Variants in SLC25A26 observed in about 807,000 individuals in gnomAD.
SLC25A26 encodes the protein mitochondrial S-adenosylmethionine carrier protein.
SLC25A26 carries 36 observed loss-of-function variants against 37.8 expected under a neutral mutation model. The ratio of observed to expected loss-of-function variants is 0.95; its 90% CI spans 0.73 to 1.26. The LOEUF (loss-of-function observed/expected upper bound fraction) is 1.26. Among genes scored for constraint, SLC25A26 ranks in the 50% most tolerant of loss-of-function variants. The probability of loss-of-function intolerance (pLI) is 0.00; values close to 1 mark genes in which losing one functional copy is unlikely to be tolerated. For synonymous variants in SLC25A26, 129 were observed against 122.5 expected (o/e 1.05, Z -0.35); for missense variants, 390 against 331.1 (o/e 1.18, Z -1.38).
intron 5 of SLC25A26, among the ~76,000 whole-genome samples, chr3:66,264,610 C>G (rs1325275925): frequency 6.6e-6 from 1 of 152,184 alleles, no homozygotes; most frequent in African/African-American, 2.4e-5. Flanking sequence ...TTATGAGAAT[C>G]TAATGCATGA....
At chr3:66,171,695 G>A (rs2070502089) in intron 1 of SLC25A26, among the ~76,000 whole-genome samples, 1 of 152,256 alleles carries the variant, frequency 6.6e-6, no homozygotes, top group South Asian at 2.1e-4. Context: ...TCACCATGTT[G>A]CTCAGGCTGG....
At chr3:66,221,832 G>T (rs150122074) in intron 1 of SLC25A26, among the ~76,000 whole-genome samples, 1 of 150,378 alleles carries the variant, frequency 6.6e-6, no homozygotes, top group Non-Finnish European at 1.5e-5. Flanking sequence ...GGCTGCCTAC[G>T]TTTTCATTGT....
intron 5 of SLC25A26, among the ~76,000 whole-genome samples, chr3:66,345,701 G>T (rs543817537): frequency 2.6e-5 from 4 of 151,838 alleles, no homozygotes; most frequent in African/African-American, 9.7e-5. Flanking sequence ...TCTCTCCTCT[G>T]TGTTTCTCCT....
At chr3:66,287,810 AT>A (rs1338369955) in intron 5 of SLC25A26, among the ~76,000 whole-genome samples, 1 of 152,196 alleles carries the variant, frequency 6.6e-6, no homozygotes, top group Non-Finnish European at 1.5e-5. Flanking sequence ...AACCTAAATT[AT>A]TTGCTTCTTA....
At chr3:66,204,596 G>A (rs1409159976) in intron 1 of SLC25A26, among the ~76,000 whole-genome samples, 3 of 152,060 alleles carry the variant, frequency 2.0e-5, no homozygotes, top group African/African-American at 7.2e-5. Flanking sequence ...TAGAATGCTA[G>A]CACCCCAGAA....
At chr3:66,288,795 A>G (rs926987238) in intron 5 of SLC25A26, among the ~76,000 whole-genome samples, 2 of 152,184 alleles carry the variant, frequency 1.3e-5, no homozygotes, top group Admixed American at 6.5e-5. Context: ...ATACTTGTGC[A>G]TGTGTCTTTA....
At chr3:66,369,026 A>G (rs952787035) in intron 7 of SLC25A26, among the ~76,000 whole-genome samples, 3 of 63,992 alleles carry the variant, frequency 4.7e-5, no homozygotes, top group African/African-American at 3.1e-4. Context: ...CTGTCTTTTC[A>G]AAAAAAAAAA....
intron 5 of SLC25A26, among the ~76,000 whole-genome samples, chr3:66,317,663 A>T (rs924134847): frequency 3.3e-5 from 5 of 152,162 alleles, no homozygotes; most frequent in African/African-American, 1.2e-4. Flanking sequence ...TGCTGTGGGG[A>T]ATCCCCCTCA....
At chr3:66,170,081 T>G (rs1375590755) in intron 1 of SLC25A26, among the ~76,000 whole-genome samples, 1 of 152,220 alleles carries the variant, frequency 6.6e-6, no homozygotes, top group Non-Finnish European at 1.5e-5. Flanking sequence ...TCGGGCACCC[T>G]GCATTCAGGT....
chr3:66,282,084 T>C (rs2074364590), intron 5 of SLC25A26, among the ~76,000 whole-genome samples: 1 of 142,118 alleles, frequency 7.0e-6, no homozygotes, highest in South Asian at 2.2e-4. Context: ...CAATCTCGGC[T>C]CACTGCAAGC....
chr3:66,194,579 C>G (rs1234780280), intron 1 of SLC25A26, among the ~76,000 whole-genome samples: 1 of 152,172 alleles, frequency 6.6e-6, no homozygotes, highest in Non-Finnish European at 1.5e-5. Flanking sequence ...AAAATCAACC[C>G]TCTCTAGGGT....
At chr3:66,149,134 C>T (rs1011176478) in intron 1 of SLC25A26, among the ~76,000 whole-genome samples, 1 of 152,086 alleles carries the variant, frequency 6.6e-6, no homozygotes, top group Non-Finnish European at 1.5e-5. Flanking sequence ...GGGTCCATGA[C>T]CCATTGGGGC....
intron 9 of SLC25A26, among the ~76,000 whole-genome samples, chr3:66,377,463 C>CT (rs1341837503): frequency 2.0e-5 from 3 of 151,634 alleles, no homozygotes; most frequent in Non-Finnish European, 4.4e-5. Context: ...TCTTTAACAC[C>CT]TTTTTAAAAA....
intron 5 of SLC25A26, among the ~76,000 whole-genome samples, chr3:66,342,871 C>T (rs540333504): frequency 2.4e-4 from 37 of 152,268 alleles, no homozygotes; most frequent in African/African-American, 8.2e-4. Flanking sequence ...CTTATTAGTG[C>T]CCTGGGTCTT....
intron 1 of SLC25A26, among the ~76,000 whole-genome samples, chr3:66,162,334 A>ATTTTTTTT (rs796147816): frequency 1.9e-5 from 1 of 52,852 alleles, no homozygotes; most frequent in Non-Finnish European, 3.9e-5. Context: ...TTCAACATGG[A>ATTTTTTTT]TTTTTTTTTC....
chr3:66,199,375 T>C (rs989345019), intron 1 of SLC25A26, among the ~76,000 whole-genome samples: 65,684 of 151,414 alleles, frequency 0.43, 15,910 homozygotes, highest in African/African-American at 0.64. Context: ...GAACAATGAC[T>C]CTTATCCTAA....
chr3:66,328,669 T>C (rs1559704887), intron 5 of SLC25A26, among the ~76,000 whole-genome samples: 1 of 152,228 alleles, frequency 6.6e-6, no homozygotes, highest in Non-Finnish European at 1.5e-5. Context: ...AGAAGTATTA[T>C]ACATTCTTAA....
At chr3:66,203,644 C>A (rs998424803) in intron 1 of SLC25A26, among the ~76,000 whole-genome samples, 1 of 152,074 alleles carries the variant, frequency 6.6e-6, no homozygotes, top group Non-Finnish European at 1.5e-5. Flanking sequence ...AACTGTTTCC[C>A]CTTTGGGTGT....
At chr3:66,135,560 G>A (rs77797202) in intron 1 of SLC25A26, among the ~76,000 whole-genome samples, 5,684 of 152,232 alleles carry the variant, frequency 0.037, 180 homozygotes, top group Non-Finnish European at 0.056. Context: ...TTGAGCTCAC[G>A]AGTTTGAGAC....
Sources: gnomAD v4.1 joint callset for allele counts (sites outside exome capture counted in the v4.1 genomes callset) on GRCh38, gnomAD v4.1.1 for gene constraint, MANE v1.5 for transcripts, NCBI Gene and HGNC (gene_info 2026-07-23, HGNC 2026-07-21) for gene names.